CAMSAP1: variants seen among roughly 807,000 people sequenced by gnomAD.
CAMSAP1 encodes the protein calmodulin-regulated spectrin-associated protein 1.
Under a neutral mutation model 143.5 loss-of-function variants are expected in CAMSAP1, and 58 were observed. The ratio of observed to expected loss-of-function variants is 0.40; its 90% CI spans 0.33 to 0.50. The LOEUF (loss-of-function observed/expected upper bound fraction) is 0.50, where lower values mean the gene tolerates loss of function less well. CAMSAP1 is among the 20% of genes least tolerant of loss of function. CAMSAP1 has a pLI of 0.45. For synonymous variants in CAMSAP1, 945 were observed against 859.3 expected (o/e 1.10, Z -1.74); for missense variants, 1,969 against 2,115.7 (o/e 0.93, Z 1.36).
chr9:135,818,991 C>A lies in CAMSAP1; in HGVS notation c.3959+19G>T. The A allele has an allele frequency of 6.2e-7, 1 of 1,602,714 alleles. No individual in the cohort carries two copies. The highest frequency in any genetic ancestry group is 1.1e-5 in the South Asian group (1 of 90,124). On this transcript the variant is annotated intron_variant, in intron 12 of 16. Coordinates refer to ENST00000389532, the MANE Select transcript of CAMSAP1 (RefSeq NM_015447.4). The surrounding 1 kb of genome is among the most constrained non-coding windows in gnomAD (Gnocchi z 7.7). ...CAGGCTCCTGCTCAGTCTGCTTTCC[C>A]CCCCGGCGGGACGCTTACCGGGCTT...
At chr9:135,848,883 G>T (rs1055810137) in intron 7 of CAMSAP1, among the ~76,000 whole-genome samples, 1 of 152,218 alleles carries the variant, frequency 6.6e-6, no homozygotes, top group African/African-American at 2.4e-5. Context: ...GCAACCCACA[G>T]GACTGGGTAA....
intron 5 of CAMSAP1, among the ~76,000 whole-genome samples, chr9:135,851,547 CA>C (rs1271771681): frequency 6.6e-6 from 1 of 151,432 alleles, no homozygotes; most frequent in Non-Finnish European, 1.5e-5. Flanking sequence ...TCTCCATCTC[CA>C]AAGGGAACCA....
In CAMSAP1 at chr9:135,821,341, A is replaced by T. The variant is rs1196595794; in HGVS notation, c.3320T>A (p.Leu1107Gln). ...RNSRSGRPAE[L>Q]KVPKDRPQGS... ...CTGTGGCCTGTCTTTTGGGACCTTC[A>T]GCTCCGCCGGCCTTCCGGAACGGGA... The change falls in exon 11 of 17, where the codon CTG becomes CAG. Residue 1107 changes from leucine to glutamine, a missense_variant. By Grantham distance (113) the Leu-to-Gln change is moderately radical. Coordinates refer to ENST00000389532, the MANE Select transcript of CAMSAP1 (RefSeq NM_015447.4). This position sits in a 1 kb window ranked among gnomAD's most constrained non-coding sequence, Gnocchi z 4.6. 6.2e-7 allele frequency: 1 copy of T among 1,613,518 alleles called. No homozygotes were observed. Among genetic ancestry groups the T allele is most frequent in the East Asian group, 2.2e-5 (1 of 44,864 alleles).
At chr9:135,832,896 A>G (rs540361118) in intron 7 of CAMSAP1, among the ~76,000 whole-genome samples, 1 of 152,314 alleles carries the variant, frequency 6.6e-6, no homozygotes, top group East Asian at 1.9e-4. Context: ...CAACAAAATT[A>G]GTGTAAAGAT....
chr9:135,850,608 C>T (rs978299482), intron 5 of CAMSAP1, 147 bp from the exon 6 acceptor site: 1 of 618,240 alleles, frequency 1.6e-6, no homozygotes, highest in East Asian at 3.1e-5. Context: ...GGATGTACAA[C>T]AAGTAACACT....
chr9:135,845,621 T>C (rs1836523265), intron 7 of CAMSAP1, among the ~76,000 whole-genome samples: 1 of 152,196 alleles, frequency 6.6e-6, no homozygotes. Flanking sequence ...GAAAACCCCA[T>C]CGTCTCAACC....
In CAMSAP1 at chr9:135,907,193, G is replaced by T; in HGVS notation, c.-34C>A. 3.8e-6 allele frequency: 4 copies of T among 1,060,780 alleles called. No homozygotes were observed. Among genetic ancestry groups the T allele is most frequent in the Non-Finnish European group, 4.6e-6 (4 of 878,384 alleles). 65.7% of individuals were successfully genotyped at this position (1,060,780 alleles called of 1,614,324 possible). ...AAAGGGCTGAGGCGGCGGCCCGGCC[G>T]CAACAAAGGCGCCGCCGCCCCTCGC... is the stretch of plus-strand genomic sequence containing the variant. On this transcript the variant is annotated 5_prime_UTR_variant, in exon 1 of 17. Transcript: ENST00000389532.
Position 135,822,441 on chromosome 9 carries a change from C to G in CAMSAP1, c.2220G>C (p.Ser740=). Residue 740 remains serine (S), a synonymous_variant, in exon 11 of 17, where the codon TCG becomes TCC. Transcript: ENST00000389532. This position sits in a 1 kb window ranked among gnomAD's most constrained non-coding sequence, Gnocchi z 6.1. ...CGGCTTCCTCTATGTCCACCACATC[C>G]GAGTCAGAATCCTGCCTGAGGAGAG... is the stretch of plus-strand genomic sequence containing the variant. ...PWTLLRQDSD[S]DVVDIEEAEH... The G allele has an allele frequency of 6.2e-7, 1 of 1,613,718 alleles. No individual in the cohort carries two copies. The highest frequency in any genetic ancestry group is 8.5e-7 in the Non-Finnish European group (1 of 1,179,894).
In CAMSAP1 at chr9:135,816,093, CAGGAAGCACATCAGCAGGGG is replaced by C. The variant is rs1202469947; in HGVS notation, c.4272-108_4272-89del. 5.9e-6 allele frequency: 7 copies of C among 1,189,548 alleles called. No individual in the cohort carries two copies. In the African/African-American group the frequency reaches 7.5e-5, roughly 13 times the overall value. The allele number at this position is 1,189,548 out of a possible 1,614,324, so 73.7% of individuals were successfully genotyped here. On this transcript the variant is annotated intron_variant, in intron 14 of 16. Transcript: ENST00000389532. ...GCAAGGGGCTGGCCCGCAACCAGGA[CAGGAAGCACATCAGCAGGGG>C]AGGAGGCTTTCGGTGACGGTGGGGG...
At chr9:135,885,270 T>C (rs1838086676) in intron 1 of CAMSAP1, among the ~76,000 whole-genome samples, 1 of 152,148 alleles carries the variant, frequency 6.6e-6, no homozygotes, top group Admixed American at 6.5e-5. Context: ...TCCCCAAATG[T>C]ACATTTCTGG....
At chr9:135,896,496 A>G (rs997682895) in intron 1 of CAMSAP1, among the ~76,000 whole-genome samples, 3 of 152,222 alleles carry the variant, frequency 2.0e-5, no homozygotes, top group African/African-American at 4.8e-5. Flanking sequence ...ACAAAGATAT[A>G]AATCAGAACA....
intron 7 of CAMSAP1, among the ~76,000 whole-genome samples, chr9:135,829,613 C>T (rs1039319461): frequency 6.6e-5 from 10 of 152,216 alleles, no homozygotes; most frequent in East Asian, 1.9e-4. Context: ...CAGTACTTTT[C>T]GAGGCCGAAG....
In CAMSAP1 at chr9:135,880,724, G is replaced by A. The variant is rs75925983; in HGVS notation, c.585+909C>T. On this transcript the variant is annotated intron_variant, in intron 3 of 16. Transcript: ENST00000389532. The stretch of plus-strand genomic sequence containing the variant: ...TCCTGCGTGAGCCTCTTATTCAGGC[G>A]CGCTAATACAGCCTCACATGGGGCC... Among the ~76,000 whole-genome samples the A allele has an allele frequency of 5.1e-3, 778 of 152,262 alleles. 5 individuals are homozygous for A. Among genetic ancestry groups the A allele is most frequent in the African/African-American group, 0.018 (745 of 41,518 alleles).
intron 7 of CAMSAP1, among the ~76,000 whole-genome samples, chr9:135,843,035 GAC>G (rs1836416468): frequency 6.6e-6 from 1 of 152,000 alleles, no homozygotes; most frequent in African/African-American, 2.4e-5. Flanking sequence ...CCAGTTAAAA[GAC>G]ACAGACTGGG....
Position 135,821,849 on chromosome 9 carries a change from C to G in CAMSAP1, c.2812G>C (p.Glu938Gln). 3 of 1,614,044 alleles carry G rather than the reference C, an allele frequency of 1.9e-6. No homozygotes were observed. The highest frequency in any genetic ancestry group is 1.1e-5 in the South Asian group (1 of 91,084). Residue 938 changes from glutamate to glutamine, a missense_variant, in exon 11 of 17, where the codon GAG (glutamate) becomes CAG (glutamine). Glu to Gln is a conservative substitution (Grantham distance 29). Transcript: ENST00000389532. This position sits in a 1 kb window ranked among gnomAD's most constrained non-coding sequence, Gnocchi z 4.6. ...TCCTCCCCGTTGTGCTGAGAGTACT[C>G]CTTTGCAAAGTGCTCCGGCCTGAGG... is the stretch of plus-strand genomic sequence containing the variant. ...PPLRPEHFAK[E>Q]YSQHNGEDCG...
At chr9:135,838,333 G>GCACTTTCTACCCACTGTACAGACACACA (rs1836189877) in intron 7 of CAMSAP1, among the ~76,000 whole-genome samples, 1 of 118,188 alleles carries the variant, frequency 8.5e-6, no homozygotes, top group African/African-American at 3.3e-5. Flanking sequence ...ACAGACACAC[G>GCACTTTCTACCCACTGTACAGACACACA]TCATCACGCA....
intron 3 of CAMSAP1, among the ~76,000 whole-genome samples, chr9:135,873,901 G>A (rs1361727712): frequency 1.3e-5 from 2 of 151,784 alleles, no homozygotes; most frequent in African/African-American, 2.4e-5. Context: ...ACCAAAACAA[G>A]AGAAATACAT....
chr9:135,815,063 C>G, intron 16 of CAMSAP1, 34 bp downstream of exon 16: 1 of 1,423,154 alleles, frequency 7.0e-7, no homozygotes, highest in Non-Finnish European at 9.8e-7. Context: ...CTTTTTATTC[C>G]ACATAAAAAC....
chr9:135,892,335 T>C (rs1838314373), intron 1 of CAMSAP1, among the ~76,000 whole-genome samples: 2 of 151,778 alleles, frequency 1.3e-5, no homozygotes, highest in Admixed American at 1.3e-4. Flanking sequence ...AAAGACACGA[T>C]TAAAATTTTG....
Sources: gnomAD v4.1 joint callset for allele counts (sites outside exome capture counted in the v4.1 genomes callset) on GRCh38, gnomAD v4.1.1 for gene constraint, Gnocchi (gnomAD v3.1) non-coding constraint, MANE v1.5 for transcripts, NCBI Gene and HGNC (gene_info 2026-07-23, HGNC 2026-07-21) for gene names.